HYCC1: variants seen among roughly 807,000 people sequenced by gnomAD.
HYCC1 encodes the protein hyccin PI4KA lipid kinase complex subunit 1.
At chr7:22,934,635 G>C in the HYCC1 span, 1 of 152,188 alleles carries the variant, frequency 6.6e-6, no homozygotes, top group Non-Finnish European at 1.5e-5. Flanking sequence ...ATTTATTAGA[G>C]AAAAGTACTA....
At chr7:22,958,716 G>T in the HYCC1 span, among the ~76,000 whole-genome samples, 1 of 151,970 alleles carries the variant, frequency 6.6e-6, no homozygotes, top group Non-Finnish European at 1.5e-5. Flanking sequence ...TTAAATGTAC[G>T]CCTGGACATG....
the HYCC1 span, among the ~76,000 whole-genome samples, chr7:22,913,152 G>A: frequency 6.6e-6 from 1 of 151,488 alleles, no homozygotes; most frequent in Non-Finnish European, 1.5e-5. Context: ...GTACTCTCCT[G>A]GGGTCAGACT....
the HYCC1 span, among the ~76,000 whole-genome samples, chr7:22,979,771 A>G: frequency 2.0e-4 from 31 of 152,312 alleles, no homozygotes; most frequent in East Asian, 5.2e-3. Flanking sequence ...TAATCAAAAC[A>G]TACTCAAAAG....
the HYCC1 span, among the ~76,000 whole-genome samples, chr7:22,900,392 A>G: frequency 6.6e-6 from 1 of 151,984 alleles, no homozygotes; most frequent in Non-Finnish European, 1.5e-5. Context: ...AGATGGATTC[A>G]TTCTCCAATT....
chr7:22,931,257 A>G, the HYCC1 span, among the ~76,000 whole-genome samples: 1 of 86,234 alleles, frequency 1.2e-5, no homozygotes, highest in African/African-American at 4.9e-5. Context: ...AAAAAAAAGA[A>G]AAAAAAAAAA....
the HYCC1 span, among the ~76,000 whole-genome samples, chr7:22,995,330 C>A: frequency 6.6e-6 from 1 of 152,134 alleles, no homozygotes; most frequent in Non-Finnish European, 1.5e-5. Flanking sequence ...TGCTTTCAAA[C>A]AACTCCTGCT....
At chr7:23,006,850 G>C in the HYCC1 span, among the ~76,000 whole-genome samples, 1 of 152,150 alleles carries the variant, frequency 6.6e-6, no homozygotes, top group Admixed American at 6.5e-5. Flanking sequence ...AAGCTACCCT[G>C]ATGCAAGGCT....
the HYCC1 span, chr7:22,978,385 GA>G: frequency 6.2e-7 from 1 of 1,613,998 alleles, no homozygotes; most frequent in Non-Finnish European, 8.5e-7. Context: ...AGCGTAAATT[GA>G]AGCAACTGCT....
At chr7:22,972,875 C>T in the HYCC1 span, among the ~76,000 whole-genome samples, 4 of 152,068 alleles carry the variant, frequency 2.6e-5, no homozygotes, top group Non-Finnish European at 5.9e-5. Flanking sequence ...TTTGTGTGAG[C>T]ATAGGTGGAG....
chr7:22,952,421 C>T, the HYCC1 span, among the ~76,000 whole-genome samples: 11,929 of 152,014 alleles, frequency 0.078, 652 homozygotes, highest in East Asian at 0.21. Flanking sequence ...AGCTCAAATA[C>T]TCCAAATAAC....
the HYCC1 span, among the ~76,000 whole-genome samples, chr7:22,988,285 G>T: frequency 6.6e-6 from 1 of 152,162 alleles, no homozygotes; most frequent in Non-Finnish European, 1.5e-5. Flanking sequence ...ATTGGGTAAA[G>T]TTAATCTTGG....
the HYCC1 span, among the ~76,000 whole-genome samples, chr7:22,922,704 C>T: frequency 6.6e-6 from 1 of 151,848 alleles, no homozygotes; most frequent in African/African-American, 2.4e-5. Context: ...AAAATGTTGA[C>T]AGTAAAAGTA....
the HYCC1 span, among the ~76,000 whole-genome samples, chr7:23,008,914 T>G: frequency 6.6e-6 from 1 of 152,028 alleles, no homozygotes; most frequent in Non-Finnish European, 1.5e-5. Context: ...AATAGTCACA[T>G]AATTTGGAAA....
chr7:22,905,706 C>A, the HYCC1 span, among the ~76,000 whole-genome samples: 1 of 152,008 alleles, frequency 6.6e-6, no homozygotes, highest in Non-Finnish European at 1.5e-5. Flanking sequence ...TATATTTATA[C>A]ATGGCATCAT....
At chr7:22,999,314 C>T in the HYCC1 span, among the ~76,000 whole-genome samples, 1 of 152,126 alleles carries the variant, frequency 6.6e-6, no homozygotes, top group African/African-American at 2.4e-5. Context: ...CCACCTTTTA[C>T]AAAATATAAT....
the HYCC1 span, among the ~76,000 whole-genome samples, chr7:23,003,210 T>C: frequency 1.3e-5 from 2 of 152,132 alleles, no homozygotes; most frequent in African/African-American, 4.8e-5. Context: ...TGGCTCTTTT[T>C]TTTTCTTATA....
chr7:23,011,127 T>TCC, the HYCC1 span, among the ~76,000 whole-genome samples: 1 of 152,300 alleles, frequency 6.6e-6, no homozygotes, highest in East Asian at 1.9e-4. Context: ...TTCCTGATGG[T>TCC]CCTCCTACCT....
At chr7:22,914,317 C>A in the HYCC1 span, among the ~76,000 whole-genome samples, 2 of 152,204 alleles carry the variant, frequency 1.3e-5, no homozygotes, top group African/African-American at 2.4e-5. Context: ...CTGCTCACCA[C>A]CCCCCTTCTC....
the HYCC1 span, among the ~76,000 whole-genome samples, chr7:22,902,465 C>T: frequency 2.6e-5 from 4 of 151,672 alleles, no homozygotes; most frequent in African/African-American, 7.3e-5. Context: ...AAACCAAAAG[C>T]TAGTTCTTTG....
Sources: gnomAD v4.1 joint callset for allele counts (sites outside exome capture counted in the v4.1 genomes callset) on GRCh38, gnomAD v4.1.1 for gene constraint, MANE v1.5 for transcripts, NCBI Gene and HGNC (gene_info 2026-07-23, HGNC 2026-07-21) for gene names.